ACSM2B: variants seen among roughly 807,000 people sequenced by gnomAD.
ACSM2B encodes the protein acyl-coenzyme A synthetase ACSM2B, mitochondrial.
In ACSM2B, 58 loss-of-function variants were observed where a neutral mutation model predicts 78.6. That is an observed-to-expected ratio of 0.74 (90% CI 0.60 to 0.92). ACSM2B has a LOEUF of 0.92. ACSM2B is among the 40% of genes least tolerant of loss of function. The pLI, the probability that ACSM2B is intolerant of heterozygous loss-of-function variation, is 0.00. For synonymous variants in ACSM2B, 257 were observed against 256.8 expected, an observed-to-expected ratio of 1.00 and a Z score of -0.01; for missense variants, 688 against 711.2, an observed-to-expected ratio of 0.97 and a Z score of 0.37.
intron 13 of ACSM2B, 120 bp from the exon 14 acceptor site, chr16:20,537,482 C>T (rs1212976045): frequency 1.8e-6 from 2 of 1,094,716 alleles, no homozygotes; most frequent in Non-Finnish European, 1.4e-6. Flanking sequence ...GGGTAGCCGC[C>T]CTGTGCAATA....
rs1357917994 is a variant in ACSM2B at position 20,547,809 on chromosome 16, C to T, written c.1098+253G>A. ...TTCCATCGCATTTCTCACCACCTGC[C>T]ATGCTAGATATTTCTTAGTTTATTG... On this transcript the variant is annotated intron_variant, in intron 8 of 13. Transcript: ENST00000329697. 13 of 1,031,374 alleles carry T rather than the reference C, an allele frequency of 1.3e-5. 1 individual carries two copies. Among genetic ancestry groups the T allele is most frequent in the Non-Finnish European group, 1.7e-5 (13 of 781,432 alleles). The allele number at this position is 1,031,374 out of a possible 1,614,324, so 63.9% of individuals were successfully genotyped here.
intron 13 of ACSM2B, among the ~76,000 whole-genome samples, chr16:20,538,649 C>T (rs1195626864): frequency 6.6e-6 from 1 of 152,136 alleles, no homozygotes; most frequent in East Asian, 1.9e-4. Context: ...AGAGACACAT[C>T]TATTGAGATA....
At chr16:20,548,584 A>T (rs1179974273) in intron 6 of ACSM2B, 111 bp from the exon 7 acceptor site, 1 of 1,577,184 alleles carries the variant, frequency 6.3e-7, no homozygotes, top group Non-Finnish European at 8.6e-7. Flanking sequence ...CTGGATGAAA[A>T]CCCTAGCTTG....
At chr16:20,539,814 T>A (rs2014936789) in intron 13 of ACSM2B, among the ~76,000 whole-genome samples, 1 of 151,640 alleles carries the variant, frequency 6.6e-6, no homozygotes. Flanking sequence ...AATATATGTT[T>A]GGAGCTGACA....
At chr16:20,566,209 GCTCT>G (rs1253543660) in intron 1 of ACSM2B, among the ~76,000 whole-genome samples, 1 of 122,438 alleles carries the variant, frequency 8.2e-6, no homozygotes, top group Non-Finnish European at 1.7e-5. Flanking sequence ...CCAAGCTCAT[GCTCT>G]CTCTCTCCCA....
intron 6 of ACSM2B, 139 bp downstream of exon 6, chr16:20,552,005 A>G (rs1596715644): frequency 2.1e-6 from 3 of 1,416,918 alleles, no homozygotes; most frequent in East Asian, 2.4e-5. Flanking sequence ...GACCATTTCC[A>G]TCTCGTTTAC....
chr16:20,567,091 TATA>T (rs1205811550), intron 1 of ACSM2B, among the ~76,000 whole-genome samples: 10 of 135,308 alleles, frequency 7.4e-5, no homozygotes, highest in Non-Finnish European at 9.3e-5. Flanking sequence ...TCTAGATATA[TATA>T]ATATCATAAT....
At chr16:20,537,641 A>T (rs545523932) in intron 13 of ACSM2B, among the ~76,000 whole-genome samples, 11 of 151,960 alleles carry the variant, frequency 7.2e-5, no homozygotes, top group South Asian at 6.2e-4. Context: ...TTGACATCAG[A>T]CTCTCTGGAC....
chr16:20,573,951 C>G (rs1234003301), intron 1 of ACSM2B, among the ~76,000 whole-genome samples: 210 of 149,360 alleles, frequency 1.4e-3, no homozygotes, highest in African/African-American at 5.1e-3. Context: ...TCACAGGAAA[C>G]AGGGTTTGAG....
At chr16:20,546,818 A>C (rs1567207542) in intron 8 of ACSM2B, 2 of 216,702 alleles carry the variant, frequency 9.2e-6, no homozygotes, top group Admixed American at 1.2e-4. Flanking sequence ...GCAATCTGTA[A>C]GACCTAAAAT....
At chr16:20,558,794 T>C (rs543913900) in intron 3 of ACSM2B, among the ~76,000 whole-genome samples, 46 of 152,354 alleles carry the variant, frequency 3.0e-4, no homozygotes, top group African/African-American at 1.1e-3. Context: ...GCAGTGCAAA[T>C]GCAGCCACAT....
At chr16:20,545,778 A>T (rs1263586461) in intron 9 of ACSM2B, among the ~76,000 whole-genome samples, 1 of 152,228 alleles carries the variant, frequency 6.6e-6, no homozygotes, top group Non-Finnish European at 1.5e-5. Context: ...ACTGGATATG[A>T]CACTGAATAG....
intron 1 of ACSM2B, among the ~76,000 whole-genome samples, chr16:20,565,191 C>A (rs765900767): frequency 6.6e-6 from 1 of 152,144 alleles, no homozygotes; most frequent in Non-Finnish European, 1.5e-5. Context: ...ACTCCCTTTC[C>A]GTTCTAGGAT....
At position 20,543,141 on chromosome 16, in the gene ACSM2B, G is replaced by C. The variant is rs745635352; in HGVS notation, c.1403C>G (p.Ser468Cys). 6.8e-6 allele frequency: 11 copies of C among 1,613,818 alleles called. No individual in the cohort carries two copies. The highest frequency in any genetic ancestry group is 9.3e-6 in the Non-Finnish European group (11 of 1,179,874). The change falls in exon 11 of 14, where the codon TCC becomes TGC. Residue 468 changes from serine (S) to cysteine (C), a missense_variant. Coordinates refer to ENST00000329697, the MANE Select transcript of ACSM2B (RefSeq NM_001105069.2). ...FMGRADDIIN[S>C]SGYRIGPSEV... ...ACCCAGAAACCAAGCTCACCCGCTG[G>C]AGTTAATGATATCATCTGCCCGTCC...
chr16:20,552,519 G>A (rs987910291), intron 5 of ACSM2B, among the ~76,000 whole-genome samples: 4 of 152,058 alleles, frequency 2.6e-5, no homozygotes, highest in African/African-American at 9.7e-5. Flanking sequence ...CGGAAGGTGG[G>A]ACCCCAGTTG....
intron 13 of ACSM2B, among the ~76,000 whole-genome samples, chr16:20,538,384 C>A (rs181584447): frequency 8.4e-4 from 128 of 152,290 alleles, no homozygotes; most frequent in African/African-American, 2.8e-3. Flanking sequence ...AACTGTCAAC[C>A]TTTAGCATTG....
At chr16:20,552,427 A>G (rs2015343451) in intron 5 of ACSM2B, 130 bp from the exon 6 acceptor site, 7 of 1,341,374 alleles carry the variant, frequency 5.2e-6, no homozygotes, top group African/African-American at 1.5e-5. Context: ...GCAGGTTTAT[A>G]GGCATATGTT....
At position 20,546,396 on chromosome 16, in the gene ACSM2B, G is replaced by A; in HGVS notation, c.1177C>T (p.Gln393Ter). ...CCTCCTCAGTGTCCCGAGCAAACCT[G>A]TACATCATAACAGGAAGCAGCCGTT... is the stretch of plus-strand genomic sequence containing the variant. ...MGTAASCYDV[Q>*]VIDDKGNVLP... is the part of the protein sequence containing the mutation. Residue 393 changes from glutamine (Q) to a stop codon, truncating the protein, a stop_gained and splice_region_variant, in exon 9 of 14, where the codon CAG (glutamine) becomes TAG (stop). Coordinates refer to ENST00000329697, the MANE Select transcript of ACSM2B (RefSeq NM_001105069.2). LOFTEE classifies it high-confidence loss of function. 5 of 1,602,642 alleles carry A rather than the reference G, an allele frequency of 3.1e-6. No homozygotes were observed. The highest frequency in any genetic ancestry group is 4.3e-6 in the Non-Finnish European group (5 of 1,174,290).
At chr16:20,567,660 T>C (rs1455184346) in intron 1 of ACSM2B, among the ~76,000 whole-genome samples, 1 of 137,678 alleles carries the variant, frequency 7.3e-6, no homozygotes, top group African/African-American at 2.7e-5. Context: ...CTATTATATA[T>C]ATACTATACT....
Sources: gnomAD v4.1 joint callset for allele counts (sites outside exome capture counted in the v4.1 genomes callset) on GRCh38, gnomAD v4.1.1 for gene constraint, MANE v1.5 for transcripts, NCBI Gene and HGNC (gene_info 2026-07-23, HGNC 2026-07-21) for gene names.